The following ARHGAP24 variants were observed in gnomAD, a reference collection of about 807,000 sequenced individuals.
ARHGAP24 encodes Rho GTPase activating protein 24, also known as rho GTPase-activating protein 24.
ARHGAP24 carries 50 observed loss-of-function variants against 76.4 expected under a neutral mutation model. The observed-to-expected ratio is 0.65, with a 90% CI of 0.52 to 0.83. The LOEUF (loss-of-function observed/expected upper bound fraction) is 0.83, where lower values mean the gene tolerates loss of function less well. Ranked by LOEUF, ARHGAP24 falls within the 40% of genes least tolerant of loss-of-function variation. The pLI, the probability that ARHGAP24 is intolerant of heterozygous loss-of-function variation, is 0.00. For synonymous variants in ARHGAP24, 345 were observed against 323.3 expected, an observed-to-expected ratio of 1.07 and a Z score of -0.72; for missense variants, 930 against 914.2, an observed-to-expected ratio of 1.02 and a Z score of -0.22.
Position 85,650,589 on chromosome 4 carries a change from G to T in ARHGAP24, c.181-71296G>T, listed in dbSNP as rs1404938256. On this transcript the variant is annotated intron_variant, in intron 2 of 9. Coordinates refer to ENST00000395184, the MANE Select transcript of ARHGAP24 (RefSeq NM_001025616.3). The stretch of plus-strand genomic sequence containing the variant: ...GAACAGTTCTTGTTTCCTGTAGTAA[G>T]CCCTATATAAGCACTTGCTATTATT... Among the ~76,000 whole-genome samples the T allele has an allele frequency of 2.0e-5, 3 of 149,394 alleles. 1 individual carries two copies. Among genetic ancestry groups the T allele is most frequent in the African/African-American group, 7.7e-5 (3 of 38,840 alleles).
At chr4:85,905,590 G>A (rs576445025) in intron 3 of ARHGAP24, among the ~76,000 whole-genome samples, 25 of 152,218 alleles carry the variant, frequency 1.6e-4, no homozygotes, top group African/African-American at 5.3e-4. Context: ...AAAGAACTAC[G>A]CTTCCACAAG....
In ARHGAP24 at chr4:85,628,501, A is replaced by G. The variant is rs562502768; in HGVS notation, c.180+57780A>G. 5.9e-5 allele frequency among the ~76,000 whole-genome samples: 9 copies of G among 152,272 alleles called. No individual in the cohort carries two copies. The South Asian group carries it at 6.2e-4, about 11-fold the overall frequency. Reference sequence around the variant, plus strand: ...CTGTTGGATGGGATATTCTGTATCTATCTGATAGGTTCATTTTATCTGTGG... The same window carrying G: ...CTGTTGGATGGGATATTCTGTATCTGTCTGATAGGTTCATTTTATCTGTGG... On this transcript the variant is annotated intron_variant, in intron 2 of 9. Transcript: ENST00000395184.
chr4:85,733,060 C>CCTTTTTTTTTTTTT (rs1460021134), intron 3 of ARHGAP24, among the ~76,000 whole-genome samples: 2 of 55,206 alleles, frequency 3.6e-5, no homozygotes, highest in Non-Finnish European at 6.4e-5. Context: ...GCCTCACCAA[C>CCTTTTTTTTTTTTT]TTTTTTTTTT....
intron 3 of ARHGAP24, among the ~76,000 whole-genome samples, chr4:85,838,616 T>C (rs2110145004): frequency 6.6e-6 from 1 of 152,230 alleles, no homozygotes; most frequent in East Asian, 1.9e-4. Flanking sequence ...AAGGCCAAAA[T>C]AACTACTGCA....
chr4:85,980,491 AT>A (rs1408442053), intron 8 of ARHGAP24, among the ~76,000 whole-genome samples: 1 of 152,190 alleles, frequency 6.6e-6, no homozygotes, highest in African/African-American at 2.4e-5. Context: ...TAGTCTCAGG[AT>A]AACAATACCA....
At chr4:85,895,011 A>C (rs374851495) in intron 3 of ARHGAP24, among the ~76,000 whole-genome samples, 1 of 39,294 alleles carries the variant, frequency 2.5e-5, no homozygotes, top group Non-Finnish European at 6.6e-5. Context: ...CAAAAAAAAA[A>C]AAAAAAAAAA....
In ARHGAP24 at chr4:85,692,740, T is replaced by G. The variant is rs1014528765; in HGVS notation, c.181-29145T>G. On this transcript the variant is annotated intron_variant, in intron 2 of 9. Coordinates refer to ENST00000395184, the MANE Select transcript of ARHGAP24 (RefSeq NM_001025616.3). ...GATTATTTTACTGGATTTGTTGGAT[T>G]GGTTTTCAACTTTCTTCTGAATGTC... is the stretch of plus-strand genomic sequence containing the variant. 5.9e-5 allele frequency among the ~76,000 whole-genome samples: 9 copies of G among 152,376 alleles called. No individual in the cohort carries two copies. The East Asian group carries it at 1.7e-3, about 29-fold the overall frequency.
At position 85,684,393 on chromosome 4, in the gene ARHGAP24, T is replaced by A. The variant is rs558241932; in HGVS notation, c.181-37492T>A. On this transcript the variant is annotated intron_variant, in intron 2 of 9. Coordinates refer to ENST00000395184, the MANE Select transcript of ARHGAP24 (RefSeq NM_001025616.3). ...AAATATATTACATTTTAATTTTTTT[T>A]AATTTTGATTTCATCCAGAGAAAAA... is the stretch of plus-strand genomic sequence containing the variant. Among the ~76,000 whole-genome samples the A allele has an allele frequency of 2.3e-3, 357 of 152,312 alleles. 1 individual carries two copies. The highest frequency in any genetic ancestry group is 3.9e-3 in the Non-Finnish European group (268 of 68,012).
intron 2 of ARHGAP24, among the ~76,000 whole-genome samples, chr4:85,668,582 CA>C (rs1722718555): frequency 6.6e-6 from 1 of 152,136 alleles, no homozygotes; most frequent in East Asian, 1.9e-4. Flanking sequence ...ACTCTGGAAT[CA>C]AAAGATGAGA....
intron 3 of ARHGAP24, among the ~76,000 whole-genome samples, chr4:85,869,782 G>A (rs1452952324): frequency 6.6e-6 from 1 of 152,246 alleles, no homozygotes; most frequent in East Asian, 1.9e-4. Context: ...GCAAAGTTGA[G>A]GCATAGATCA....
chr4:85,672,429 G>T (rs1233254557), intron 2 of ARHGAP24, among the ~76,000 whole-genome samples: 4 of 152,166 alleles, frequency 2.6e-5, no homozygotes, highest in Non-Finnish European at 5.9e-5. Flanking sequence ...ACACACAGAT[G>T]TCACAATGAA....
At chr4:85,939,618 C>A (rs1736839586) in intron 4 of ARHGAP24, among the ~76,000 whole-genome samples, 1 of 152,022 alleles carries the variant, frequency 6.6e-6, no homozygotes, top group Admixed American at 6.6e-5. Flanking sequence ...AAAGGCAAAC[C>A]TGCATGTACA....
At chr4:85,690,954 C>T (rs1416042550) in intron 2 of ARHGAP24, among the ~76,000 whole-genome samples, 1 of 152,046 alleles carries the variant, frequency 6.6e-6, no homozygotes, top group East Asian at 1.9e-4. Flanking sequence ...AATTTGAGAT[C>T]TCTCTACCTT....
chr4:85,570,370 CTTTCTTTCTTTCTTTCTTTCTT>C (rs1727077795), intron 1 of ARHGAP24, among the ~76,000 whole-genome samples, 130 bp from the exon 2 acceptor site: 11 of 1,616 alleles, frequency 6.8e-3, no homozygotes, highest in Non-Finnish European at 0.011. Flanking sequence ...CTTTCTCTTT[CTTTCTTTCTTTCTTTCTTTCTT>C]TCTTTCTTTC....
intron 1 of ARHGAP24, among the ~76,000 whole-genome samples, chr4:85,490,429 A>G (rs1363347766): frequency 6.6e-6 from 1 of 152,188 alleles, no homozygotes; most frequent in East Asian, 1.9e-4. Context: ...CTTTGAAATA[A>G]AGATATTAGA....
chr4:85,565,625 T>C (rs868363289), intron 1 of ARHGAP24, among the ~76,000 whole-genome samples: 11 of 152,272 alleles, frequency 7.2e-5, no homozygotes, highest in Middle Eastern at 3.4e-3. Flanking sequence ...AGTGGATGCA[T>C]TGTGGTGGAA....
chr4:85,684,907 G>A (rs144695647), intron 2 of ARHGAP24, among the ~76,000 whole-genome samples: 35 of 152,258 alleles, frequency 2.3e-4, no homozygotes, highest in African/African-American at 7.7e-4. Flanking sequence ...TCTCAACAAA[G>A]TGTCCTACAG....
intron 3 of ARHGAP24, among the ~76,000 whole-genome samples, chr4:85,724,583 G>T (rs1725096230): frequency 6.7e-6 from 1 of 148,792 alleles, no homozygotes; most frequent in African/African-American, 2.5e-5. Context: ...AATATCCCAT[G>T]AAACCAAGGA....
chr4:85,543,300 T>TA (rs1275620727), intron 1 of ARHGAP24, among the ~76,000 whole-genome samples: 1 of 152,206 alleles, frequency 6.6e-6, no homozygotes, highest in Non-Finnish European at 1.5e-5. Flanking sequence ...GGCCTGGTGA[T>TA]AGTACTGAGA....
Sources: gnomAD v4.1 joint callset for allele counts (sites outside exome capture counted in the v4.1 genomes callset) on GRCh38, gnomAD v4.1.1 for gene constraint, MANE v1.5 for transcripts, NCBI Gene and HGNC (gene_info 2026-07-23, HGNC 2026-07-21) for gene names.